Variants in ARL8B observed in about 807,000 individuals in gnomAD.
ARL8B encodes the protein ARF like GTPase 8B, also known as ADP-ribosylation factor-like protein 8B.
Under a neutral mutation model 30.6 loss-of-function variants are expected in ARL8B, and 9 were observed. That is an observed-to-expected ratio of 0.29 (90% CI 0.18 to 0.51). The LOEUF is 0.51. ARL8B is among the 20% of genes least tolerant of loss of function. The pLI is 0.97. For synonymous variants in ARL8B, 74 were observed against 76.0 expected, an observed-to-expected ratio of 0.97 and a Z score of 0.14; for missense variants, 130 against 227.2, an observed-to-expected ratio of 0.57 and a Z score of 2.75.
At chr3:5,144,960 C>A (rs2054405855) in intron 1 of ARL8B, among the ~76,000 whole-genome samples, 1 of 152,216 alleles carries the variant, frequency 6.6e-6, no homozygotes, top group African/African-American at 2.4e-5. Flanking sequence ...TCTTGGCCTT[C>A]AAGGAGCTTT....
chr3:5,178,570 T>C, intron 6 of ARL8B, 94 bp from the exon 7 acceptor site: 1 of 1,202,766 alleles, frequency 8.3e-7, no homozygotes, highest in South Asian at 1.4e-5. Flanking sequence ...TCAGGCATAG[T>C]GTGTGCCTTG....
intron 6 of ARL8B, among the ~76,000 whole-genome samples, chr3:5,174,715 ATTATATATTATATG>A (rs1247471266): frequency 1.4e-5 from 2 of 144,632 alleles, no homozygotes; most frequent in African/African-American, 5.1e-5. Context: ...TGTAATATGT[ATTATATATTATATG>A]TAATATATAT....
chr3:5,176,289 G>A (rs530550341), intron 6 of ARL8B, among the ~76,000 whole-genome samples: 21 of 152,018 alleles, frequency 1.4e-4, no homozygotes, highest in Admixed American at 3.9e-4. Flanking sequence ...GGAGTGCAGT[G>A]GCAAGATCTT....
chr3:5,128,273 C>T (rs1034746390), intron 1 of ARL8B, among the ~76,000 whole-genome samples: 10 of 151,364 alleles, frequency 6.6e-5, no homozygotes, highest in South Asian at 4.2e-4. Flanking sequence ...AGAAAATGGG[C>T]TGTGGTTCAA....
At chr3:5,138,325 C>G (rs694802) in intron 1 of ARL8B, among the ~76,000 whole-genome samples, 23 of 151,860 alleles carry the variant, frequency 1.5e-4, no homozygotes, top group Admixed American at 1.4e-3. Context: ...TAATGACTCT[C>G]GTTCATTTGC....
intron 1 of ARL8B, among the ~76,000 whole-genome samples, chr3:5,124,553 A>T (rs2054213330): frequency 6.6e-6 from 1 of 151,746 alleles, no homozygotes; most frequent in Admixed American, 6.6e-5. Context: ...GCAGCCTCCA[A>T]CTCCTGGGCT....
intron 1 of ARL8B, among the ~76,000 whole-genome samples, chr3:5,134,950 C>A (rs1207139077): frequency 6.6e-6 from 1 of 152,106 alleles, no homozygotes; most frequent in Non-Finnish European, 1.5e-5. Flanking sequence ...CAGGTTCATG[C>A]GATTCTTGTG....
chr3:5,144,849 A>C (rs984698539), intron 1 of ARL8B, among the ~76,000 whole-genome samples: 1 of 152,150 alleles, frequency 6.6e-6, no homozygotes, highest in Non-Finnish European at 1.5e-5. Context: ...CCATGTACCA[A>C]TTCTTTTCCC....
chr3:5,125,725 G>A (rs915765226), intron 1 of ARL8B, among the ~76,000 whole-genome samples: 3 of 152,072 alleles, frequency 2.0e-5, no homozygotes, highest in Non-Finnish European at 4.4e-5. Flanking sequence ...TAGAGACGGG[G>A]TTTCACCATG....
At chr3:5,157,551 A>G (rs890617575) in intron 1 of ARL8B, among the ~76,000 whole-genome samples, 3 of 152,138 alleles carry the variant, frequency 2.0e-5, no homozygotes, top group African/African-American at 4.8e-5. Context: ...TCCCCTCCCC[A>G]AAGCACTTAA....
chr3:5,159,237 C>T (rs966758078), intron 1 of ARL8B, among the ~76,000 whole-genome samples: 8 of 140,446 alleles, frequency 5.7e-5, no homozygotes, highest in Non-Finnish European at 1.2e-4. Flanking sequence ...GAGGTTGAGG[C>T]TGCGGTGAGC....
At chr3:5,172,618 G>T in intron 3 of ARL8B, 29 bp from the exon 4 acceptor site, 1 of 1,431,382 alleles carries the variant, frequency 7.0e-7, no homozygotes, top group Non-Finnish European at 9.8e-7. Flanking sequence ...TACAGAGAAG[G>T]TATGTTGAGA....
At position 5,180,099 on chromosome 3, in the gene ARL8B, A is replaced by G. The variant is rs1181146159; in HGVS notation, c.*1386A>G. ...TGTGTGTGATTTTGTTTCTTTTGTT[A>G]AGCAGCACTTATGTAGACTGCATTT... is the stretch of plus-strand genomic sequence containing the variant. On this transcript the variant is annotated 3_prime_UTR_variant, in exon 7 of 7. Transcript: ENST00000256496. The G allele has an allele frequency of 1.3e-5, 2 of 152,670 alleles. No homozygotes were observed. Among genetic ancestry groups the G allele is most frequent in the African/African-American group, 2.4e-5 (1 of 41,464 alleles). The allele number at this position is 152,670 out of a possible 1,614,324, so 9.5% of individuals were successfully genotyped here.
chr3:5,160,701 A>G (rs138555009), intron 1 of ARL8B, among the ~76,000 whole-genome samples: 3 of 152,240 alleles, frequency 2.0e-5, no homozygotes, highest in Admixed American at 6.5e-5. Flanking sequence ...TAGATGTGAT[A>G]TGACCAGTTG....
At chr3:5,135,755 C>CTTA (rs1439307254) in intron 1 of ARL8B, among the ~76,000 whole-genome samples, 1 of 120,478 alleles carries the variant, frequency 8.3e-6, no homozygotes, top group Non-Finnish European at 1.7e-5. Flanking sequence ...CCGCACCTGG[C>CTTA]CTATTATTAT....
At chr3:5,170,740 T>C (rs2054665820) in intron 2 of ARL8B, 157 bp downstream of exon 2, 2 of 568,186 alleles carry the variant, frequency 3.5e-6, no homozygotes, top group South Asian at 2.3e-5. Context: ...GTTTTTTTGT[T>C]TTTTTTTTGG....
intron 1 of ARL8B, among the ~76,000 whole-genome samples, chr3:5,149,292 G>A (rs532057885): frequency 1.3e-5 from 2 of 152,306 alleles, no homozygotes; most frequent in East Asian, 3.9e-4. Context: ...GCCTCTGCCG[G>A]GTGCTGGAAT....
intron 1 of ARL8B, among the ~76,000 whole-genome samples, chr3:5,151,016 C>G (rs957698048): frequency 6.6e-6 from 1 of 151,684 alleles, no homozygotes; most frequent in South Asian, 2.1e-4. Context: ...TCTTATTTAT[C>G]TTTTTTAATG....
intron 1 of ARL8B, among the ~76,000 whole-genome samples, chr3:5,143,669 G>A (rs1204182684): frequency 6.6e-6 from 1 of 152,248 alleles, no homozygotes; most frequent in African/African-American, 2.4e-5. Context: ...CTCAGGTTGG[G>A]TGGAGCTTGT....
Sources: allele counts gnomAD v4.1 joint callset (sites outside exome capture counted in the v4.1 genomes callset), GRCh38; gene constraint gnomAD v4.1.1; transcripts MANE v1.5; gene names NCBI Gene and HGNC (gene_info 2026-07-23, HGNC 2026-07-21).